DNAH6: variants seen among roughly 807,000 people sequenced by gnomAD.
The protein encoded by DNAH6 is axonemal beta dynein heavy chain 6.
A neutral mutation model predicts 491.4 loss-of-function variants in DNAH6; 340 were observed. The observed-to-expected ratio is 0.69, with a 90% CI of 0.63 to 0.76. DNAH6 has a LOEUF of 0.76. Ranked by LOEUF, DNAH6 falls within the 30% of genes least tolerant of loss-of-function variation. The pLI is 0.00. For synonymous variants in DNAH6, 1,603 were observed against 1,686.1 expected, an observed-to-expected ratio of 0.95 and a Z score of 1.21; for missense variants, 4,443 against 4,972.2, an observed-to-expected ratio of 0.89 and a Z score of 3.20.
At chr2:84,675,031 C>G (rs1693098181) in intron 40 of DNAH6, among the ~76,000 whole-genome samples, 1 of 152,194 alleles carries the variant, frequency 6.6e-6, no homozygotes, top group Non-Finnish European at 1.5e-5. Context: ...CCTGGAAGGG[C>G]CCTGCTCTCC....
chr2:84,672,530 C>T, intron 40 of DNAH6, 46 bp downstream of exon 40: 3 of 1,500,468 alleles, frequency 2.0e-6, no homozygotes, highest in Non-Finnish European at 2.7e-6. Context: ...ATTTAAATGA[C>T]AAGGAAATAT....
At chr2:84,799,881 G>C (rs752803141) in intron 70 of DNAH6, among the ~76,000 whole-genome samples, 7 of 152,144 alleles carry the variant, frequency 4.6e-5, no homozygotes, top group Non-Finnish European at 8.8e-5. Flanking sequence ...CCTTCCTGTT[G>C]GGGCCTGGTA....
intron 47 of DNAH6, chr2:84,697,957 G>A (rs925888877): frequency 1.9e-6 from 1 of 529,212 alleles, no homozygotes; most frequent in African/African-American, 1.9e-5. Flanking sequence ...CCCCACAGAG[G>A]TCATAGTCTT....
At chr2:84,725,980 T>C (rs1698585845) in intron 60 of DNAH6, among the ~76,000 whole-genome samples, 1 of 152,218 alleles carries the variant, frequency 6.6e-6, no homozygotes, top group African/African-American at 2.4e-5. Flanking sequence ...ACAAAGACTT[T>C]CCCAATTTCC....
chr2:84,586,644 ATG>A (rs1683585236), intron 15 of DNAH6, among the ~76,000 whole-genome samples: 1 of 152,202 alleles, frequency 6.6e-6, no homozygotes, highest in African/African-American at 2.4e-5. Flanking sequence ...GTATGTCTTC[ATG>A]TTTTAACTCA....
At chr2:84,519,667 T>C (rs1675949792) in intron 2 of DNAH6, among the ~76,000 whole-genome samples, 2 of 149,130 alleles carry the variant, frequency 1.3e-5, no homozygotes, top group South Asian at 4.4e-4. Context: ...TTCTTCCTCC[T>C]CTCTCTCTTC....
At chr2:84,580,516 T>C (rs1172709770) in intron 14 of DNAH6, among the ~76,000 whole-genome samples, 3 of 152,176 alleles carry the variant, frequency 2.0e-5, no homozygotes, top group Non-Finnish European at 4.4e-5. Flanking sequence ...CTTAAATATC[T>C]GAAAATTGAA....
chr2:84,475,089 C>T, the DNAH6 span, among the ~76,000 whole-genome samples: 4 of 152,176 alleles, frequency 2.6e-5, no homozygotes, highest in Non-Finnish European at 5.9e-5. Context: ...TAATCACAGT[C>T]AATTATTCAT....
At chr2:84,635,609 A>G (rs1452350444) in intron 30 of DNAH6, among the ~76,000 whole-genome samples, 2 of 152,296 alleles carry the variant, frequency 1.3e-5, no homozygotes, top group East Asian at 3.9e-4. Flanking sequence ...GGGACCAGAG[A>G]GAGTAGAGGC....
chr2:84,701,747 A>G (rs892754262), intron 49 of DNAH6, among the ~76,000 whole-genome samples: 1 of 152,150 alleles, frequency 6.6e-6, no homozygotes, highest in Non-Finnish European at 1.5e-5. Context: ...GTGGTAAGCC[A>G]TGAGAAACTG....
At chr2:84,772,226 G>T (rs780604090) in intron 64 of DNAH6, among the ~76,000 whole-genome samples, 1 of 152,006 alleles carries the variant, frequency 6.6e-6, no homozygotes, top group East Asian at 1.9e-4. Context: ...TATAGTAAAA[G>T]AAATCAGCAG....
In DNAH6 at chr2:84,574,007, A is replaced by G. The variant is rs146513358; in HGVS notation, c.1924+420A>G. 3.7e-4 allele frequency among the ~76,000 whole-genome samples: 56 copies of G among 152,318 alleles called. 1 individual carries two copies. In the East Asian group the frequency reaches 9.8e-3, roughly 27 times the overall value. On this transcript the variant is annotated intron_variant, in intron 12 of 76. Coordinates refer to ENST00000389394, the MANE Select transcript of DNAH6 (RefSeq NM_001370.2). ...CATTAAGATCTGGTGGGTGTGAATC[A>G]ACAACTCTTAGTCATGAAATAAGAC...
chr2:84,669,565 C>A, intron 38 of DNAH6, 55 bp downstream of exon 38: 1 of 1,409,918 alleles, frequency 7.1e-7, no homozygotes, highest in Non-Finnish European at 9.8e-7. Flanking sequence ...GCATGATGGA[C>A]TTAGAATCGT....
chr2:84,485,072 G>T, the DNAH6 span, among the ~76,000 whole-genome samples: 2 of 152,194 alleles, frequency 1.3e-5, no homozygotes, highest in East Asian at 3.8e-4. Context: ...TTAAATAACT[G>T]TAAAAGTATG....
Position 84,604,369 on chromosome 2 carries a change from A to C in DNAH6, c.2899A>C (p.Thr967Pro), listed in dbSNP as rs928924212. The change falls in exon 19 of 77, where the codon ACT becomes CCT. Residue 967 changes from threonine to proline, a missense_variant. By Grantham distance (38) the Thr-to-Pro change is conservative. This residue lies in a region of DNAH6 where 2,977 missense variants were observed against 3,296.6 expected (regional missense o/e 0.90). Transcript: ENST00000389394. Reference protein sequence around the residue: ...LPVIIDLRNPTLKARHWAAIE... With the variant: ...LPVIIDLRNPPLKARHWAAIE... ...AGTTATCATTGACTTGAGGAACCCGACTTTGAAGGCAAGACATTGGGCAGC... is the reference window on the plus strand; with the variant it reads ...AGTTATCATTGACTTGAGGAACCCGCCTTTGAAGGCAAGACATTGGGCAGC... 3.2e-6 allele frequency: 5 copies of C among 1,552,060 alleles called. No homozygotes were observed. In the African/African-American group the frequency reaches 6.8e-5, roughly 21 times the overall value.
chr2:84,641,900 A>G (rs1442483500), intron 32 of DNAH6, 47 bp from the exon 33 acceptor site: 2 of 1,464,050 alleles, frequency 1.4e-6, no homozygotes, highest in Non-Finnish European at 1.9e-6. Flanking sequence ...AATCATGTTC[A>G]ACCTTATGTT....
chr2:84,785,551 G>T, intron 66 of DNAH6, 59 bp from the exon 67 acceptor site: 1 of 1,432,464 alleles, frequency 7.0e-7, no homozygotes. Context: ...GTGTTATTCA[G>T]AAATAATGCA....
intron 3 of DNAH6, among the ~76,000 whole-genome samples, chr2:84,526,956 TA>T (rs1676658101): frequency 6.6e-6 from 1 of 152,174 alleles, no homozygotes; most frequent in South Asian, 2.1e-4. Context: ...GGTTGTGAGC[TA>T]TGCTTCCTGG....
chr2:84,496,389 T>C, the DNAH6 span, among the ~76,000 whole-genome samples: 1 of 152,266 alleles, frequency 6.6e-6, no homozygotes, highest in African/African-American at 2.4e-5. Flanking sequence ...TTCTTCTATG[T>C]AGTTTCTGAG....
Sources: allele counts gnomAD v4.1 joint callset (sites outside exome capture counted in the v4.1 genomes callset), GRCh38; gene constraint gnomAD v4.1.1; regional missense constraint gnomAD v4.1.1; transcripts MANE v1.5; gene names NCBI Gene and HGNC (gene_info 2026-07-23, HGNC 2026-07-21).